Variants in DENND4A observed in about 807,000 individuals in gnomAD.
The protein encoded by DENND4A is DENN domain containing 4A, also known as C-myc promoter-binding protein.
DENND4A carries 70 observed loss-of-function variants against 199.3 expected under a neutral mutation model. The ratio of observed to expected loss-of-function variants is 0.35; its 90% CI spans 0.29 to 0.43. The LOEUF is 0.43. DENND4A is among the 20% of genes least tolerant of loss of function. The probability of loss-of-function intolerance (pLI) is 1.00; values close to 1 mark genes in which losing one functional copy is unlikely to be tolerated. For synonymous variants in DENND4A, 686 were observed against 766.9 expected (o/e 0.89, Z 1.74); for missense variants, 1,723 against 2,255.8 (o/e 0.76, Z 4.78).
chr15:65,786,571 A>C (rs1399507906), intron 1 of DENND4A, among the ~76,000 whole-genome samples: 1 of 151,844 alleles, frequency 6.6e-6, no homozygotes, highest in African/African-American at 2.4e-5. Context: ...CTCTAAAAAG[A>C]AAAAAAAATT....
intron 25 of DENND4A, among the ~76,000 whole-genome samples, chr15:65,670,500 G>T (rs1339986742): frequency 6.6e-6 from 1 of 152,076 alleles, no homozygotes. Flanking sequence ...CCCCAAACAG[G>T]CATTTGTAAT....
At chr15:65,733,614 G>A (rs1435523057) in intron 7 of DENND4A, among the ~76,000 whole-genome samples, 2 of 152,142 alleles carry the variant, frequency 1.3e-5, no homozygotes, top group African/African-American at 2.4e-5. Flanking sequence ...GACAGGATAT[G>A]TAAAAAAGTC....
chr15:65,726,355 C>A (rs993852621), intron 11 of DENND4A, among the ~76,000 whole-genome samples: 9 of 152,040 alleles, frequency 5.9e-5, no homozygotes, highest in African/African-American at 2.2e-4. Flanking sequence ...CTGTTAATTT[C>A]AATTAAAAAA....
At chr15:65,785,859 T>C (rs964428718) in intron 1 of DENND4A, among the ~76,000 whole-genome samples, 1 of 152,140 alleles carries the variant, frequency 6.6e-6, no homozygotes, top group Non-Finnish European at 1.5e-5. Flanking sequence ...TCAAGAAATC[T>C]GGAAACTTCA....
intron 12 of DENND4A, among the ~76,000 whole-genome samples, chr15:65,720,413 A>ATTTTTTTTTTTT (rs200076757): frequency 1.4e-5 from 2 of 141,254 alleles, no homozygotes; most frequent in Non-Finnish European, 3.1e-5. Flanking sequence ...AAAGCCTAGG[A>ATTTTTTTTTTTT]TTTTTTTTTT....
intron 14 of DENND4A, among the ~76,000 whole-genome samples, chr15:65,713,237 A>AT (rs199561142): frequency 0.01 from 1,562 of 152,236 alleles, 15 homozygotes; most frequent in Middle Eastern, 0.037. Flanking sequence ...TTTCTTCTCC[A>AT]TTTTTACTTT....
At position 65,729,515 on chromosome 15, in the gene DENND4A, A is replaced by G; in HGVS notation, c.1311+19T>C. ...AGTTTAAACTAAATTGACTGCCAAT[A>G]AGAAACTGTGATACTCACAGACACT... On this transcript the variant is annotated intron_variant, in intron 10 of 32. Transcript: ENST00000443035. 6.3e-7 allele frequency: 1 copy of G among 1,594,646 alleles called. No individual in the cohort carries two copies. The highest frequency in any genetic ancestry group is 8.5e-7 in the Non-Finnish European group (1 of 1,172,378).
At position 65,690,584 on chromosome 15, in the gene DENND4A, T is replaced by C; in HGVS notation, c.4010A>G (p.Glu1337Gly). The change falls in exon 23 of 33, where the codon GAA becomes GGA. Residue 1337 changes from glutamate (E) to glycine (G), a missense_variant. Transcript: ENST00000443035. ...GTGGGTTAATGTATCCTGAGATTCT[T>C]CCCTAAATGGGCAAGTAGGTGAGAA... ...PAFSPTCPFREESQDTLTHSS... is the reference protein window; with the variant it reads ...PAFSPTCPFRGESQDTLTHSS... 6.2e-7 allele frequency: 1 copy of C among 1,613,668 alleles called. No individual in the cohort carries two copies. Among genetic ancestry groups the C allele is most frequent in the Non-Finnish European group, 8.5e-7 (1 of 1,179,726 alleles).
intron 13 of DENND4A, among the ~76,000 whole-genome samples, chr15:65,717,137 T>C (rs1366901647): frequency 1.3e-5 from 2 of 152,154 alleles, no homozygotes; most frequent in Non-Finnish European, 2.9e-5. Context: ...GAAATAACCA[T>C]GTCTCTCATC....
At chr15:65,744,581 T>C (rs968719882) in intron 4 of DENND4A, among the ~76,000 whole-genome samples, 1 of 152,172 alleles carries the variant, frequency 6.6e-6, no homozygotes, top group Non-Finnish European at 1.5e-5. Context: ...ACCCCTCTCT[T>C]GCATTTTTTT....
intron 1 of DENND4A, among the ~76,000 whole-genome samples, chr15:65,764,227 A>G (rs1177829924): frequency 6.6e-6 from 1 of 152,160 alleles, no homozygotes; most frequent in Non-Finnish European, 1.5e-5. Context: ...GCCAGGTGTG[A>G]TGGGTCATAT....
chr15:65,732,666 C>T, intron 8 of DENND4A, 86 bp downstream of exon 8: 2 of 792,196 alleles, frequency 2.5e-6, no homozygotes, highest in South Asian at 1.7e-5. Flanking sequence ...TTTTTTTCCT[C>T]ATTCAGAATT....
At chr15:65,696,334 C>A in intron 22 of DENND4A, 32 bp downstream of exon 22, 1 of 1,592,434 alleles carries the variant, frequency 6.3e-7, no homozygotes, top group Non-Finnish European at 8.6e-7. Context: ...CAATTTATTC[C>A]GCACATAACA....
intron 1 of DENND4A, chr15:65,772,061 G>A: frequency 7.8e-7 from 1 of 1,275,354 alleles, no homozygotes. Flanking sequence ...GGAAACGCTG[G>A]GCCTTCTCGC....
chr15:65,696,817 T>G (rs2077161315), intron 21 of DENND4A: 2 of 275,810 alleles, frequency 7.3e-6, no homozygotes, highest in African/African-American at 4.5e-5. Flanking sequence ...ACAAACTTTT[T>G]TTTTTTCTTT....
chr15:65,661,988 C>A lies in DENND4A; in HGVS notation c.5588-1G>T. ...ATCTTGTACTCTTTATCAAAAGCAT[C>A]TGCAGAAATTGATAAAGAAATAAAA... On this transcript the variant is annotated splice_acceptor_variant, in intron 32 of 32. Coordinates refer to ENST00000443035, the MANE Select transcript of DENND4A (RefSeq NM_001320835.1). LOFTEE classifies it high-confidence loss of function. The A allele has an allele frequency of 6.2e-7, 1 of 1,601,616 alleles. No individual in the cohort carries two copies. The highest frequency in any genetic ancestry group is 8.5e-7 in the Non-Finnish European group (1 of 1,175,368).
intron 12 of DENND4A, among the ~76,000 whole-genome samples, chr15:65,718,512 T>C (rs1333383983): frequency 2.6e-5 from 4 of 152,082 alleles, no homozygotes; most frequent in African/African-American, 4.8e-5. Context: ...TGAACAACCA[T>C]GTCATCTATA....
Position 65,702,409 on chromosome 15 carries a change from G to C in DENND4A, c.2326C>G (p.Leu776Val). The C allele has an allele frequency of 5.1e-6, 8 of 1,577,542 alleles. No homozygotes were observed. Among genetic ancestry groups the C allele is most frequent in the Non-Finnish European group, 6.9e-6 (8 of 1,161,214 alleles). ...TGACAGACTTTCACATAAGCTGGGA[G>C]ACAAATAAACCACAGTCCATAACAG... ...RHCYGLWFIC[L>V]PAYVKVCHSK... Residue 776 changes from leucine to valine, a missense_variant, in exon 17 of 33, where the codon CTC becomes GTC. Leu to Val is a conservative substitution (Grantham distance 32, BLOSUM62 1). This residue lies in a region of DENND4A where 725 missense variants were observed against 952.9 expected (regional missense o/e 0.76). Transcript: ENST00000443035.
chr15:65,740,945 G>A (rs1310062630), intron 5 of DENND4A, among the ~76,000 whole-genome samples: 7 of 151,864 alleles, frequency 4.6e-5, no homozygotes, highest in South Asian at 2.1e-4. Context: ...CTGAGCAACC[G>A]AATGAGACCC....
Sources: gnomAD v4.1 joint callset for allele counts (sites outside exome capture counted in the v4.1 genomes callset) on GRCh38, gnomAD v4.1.1 for gene constraint, gnomAD v4.1.1 regional missense constraint, MANE v1.5 for transcripts, NCBI Gene and HGNC (gene_info 2026-07-23, HGNC 2026-07-21) for gene names.